The following GRID2 variants were observed in gnomAD, a reference collection of about 807,000 sequenced individuals.
The protein encoded by GRID2 is glutamate ionotropic receptor delta type subunit 2.
GRID2 carries 33 observed loss-of-function variants against 114.8 expected under a neutral mutation model. The observed-to-expected ratio is 0.29, with a 90% CI of 0.22 to 0.38. The LOEUF (loss-of-function observed/expected upper bound fraction) is 0.38. Among genes scored for constraint, GRID2 ranks in the 10% least tolerant of loss-of-function variants. The pLI, the probability that GRID2 is intolerant of heterozygous loss-of-function variation, is 1.00. For synonymous variants in GRID2, 505 were observed against 449.9 expected (o/e 1.12, Z -1.55); for missense variants, 1,184 against 1,257.7 (o/e 0.94, Z 0.89).
intron 13 of GRID2, among the ~76,000 whole-genome samples, chr4:93,624,849 G>A (rs1428010278): frequency 6.6e-6 from 1 of 151,906 alleles, no homozygotes; most frequent in Non-Finnish European, 1.5e-5. Flanking sequence ...GTGACTTAGT[G>A]TATGAGTGAT....
At chr4:92,738,300 T>A (rs1401344798) in intron 2 of GRID2, among the ~76,000 whole-genome samples, 1 of 152,142 alleles carries the variant, frequency 6.6e-6, no homozygotes, top group Non-Finnish European at 1.5e-5. Context: ...CACTTGATAG[T>A]ACTTGTTCTA....
At chr4:93,364,324 A>T (rs2149279873) in intron 8 of GRID2, among the ~76,000 whole-genome samples, 1 of 152,244 alleles carries the variant, frequency 6.6e-6, no homozygotes, top group South Asian at 2.1e-4. Flanking sequence ...AGGCTTTTTT[A>T]AAAAAATCAA....
chr4:92,616,577 T>A (rs1182307008), intron 2 of GRID2, among the ~76,000 whole-genome samples: 1 of 151,584 alleles, frequency 6.6e-6, no homozygotes, highest in African/African-American at 2.4e-5. Flanking sequence ...TTCCCCTCTT[T>A]CAGAGACTCT....
chr4:93,467,798 A>G (rs1724433659), intron 11 of GRID2, among the ~76,000 whole-genome samples: 1 of 152,208 alleles, frequency 6.6e-6, no homozygotes, highest in African/African-American at 2.4e-5. Flanking sequence ...CCATTATCCT[A>G]TGACAATGTT....
At chr4:93,073,145 C>T (rs560544208) in intron 2 of GRID2, among the ~76,000 whole-genome samples, 1 of 152,188 alleles carries the variant, frequency 6.6e-6, no homozygotes, top group African/African-American at 2.4e-5. Context: ...TGGATAATAC[C>T]ATGGGACCCA....
rs1578949974 is a variant in GRID2 at position 93,087,017 on chromosome 4, G to T, written c.529+1738G>T. ...AATTTTCAGTTAGTACTATGAAAGT[G>T]ATTTATTTATTTATTTATTTATTTA... On this transcript the variant is annotated intron_variant, in intron 3 of 15. Transcript: ENST00000282020. 2.7e-5 allele frequency among the ~76,000 whole-genome samples: 4 copies of T among 147,520 alleles called. No homozygotes were observed. In the Admixed American group the frequency reaches 2.7e-4, roughly 10 times the overall value.
chr4:93,138,619 T>G (rs1164804581), intron 4 of GRID2, among the ~76,000 whole-genome samples: 1 of 152,188 alleles, frequency 6.6e-6, no homozygotes, highest in Non-Finnish European at 1.5e-5. Flanking sequence ...TCATTCAATT[T>G]TTCAGGCCAG....
chr4:93,250,048 A>AT (rs545878157), intron 8 of GRID2, among the ~76,000 whole-genome samples: 123 of 152,294 alleles, frequency 8.1e-4, no homozygotes, highest in African/African-American at 2.8e-3. Flanking sequence ...ATGCACACAT[A>AT]TTTTTATTGC....
chr4:93,142,130 C>T (rs893405684), intron 4 of GRID2, among the ~76,000 whole-genome samples: 6 of 152,116 alleles, frequency 3.9e-5, no homozygotes, highest in Admixed American at 1.3e-4. Context: ...ATGAGGATGG[C>T]TTGAGCTTGG....
chr4:92,491,570 A>G (rs908747886), intron 1 of GRID2, among the ~76,000 whole-genome samples: 1 of 152,152 alleles, frequency 6.6e-6, no homozygotes, highest in African/African-American at 2.4e-5. Context: ...TAATGATGCA[A>G]TGACTTGTGC....
rs1257993435 is a variant in GRID2, at chr4:93,772,778, T to C, written c.*280T>C. ...GGATCCTATTAGTCTGCTTTTCATA[T>C]ACTGTACATCAAGTATAGGAAATGT... On this transcript the variant is annotated 3_prime_UTR_variant, in exon 16 of 16. Transcript: ENST00000282020. The C allele has an allele frequency of 2.6e-6, 1 of 386,908 alleles. No individual in the cohort carries two copies. The highest frequency in any genetic ancestry group is 4.6e-6 in the Non-Finnish European group (1 of 216,454). The allele number at this position is 386,908 out of a possible 1,614,324, so 24.0% of individuals were successfully genotyped here. A position where few individuals can be genotyped will look rare whatever the true frequency, so the allele number is the denominator to read the frequency against.
chr4:93,674,163 G>A (rs2110072611), intron 14 of GRID2, among the ~76,000 whole-genome samples: 1 of 152,148 alleles, frequency 6.6e-6, no homozygotes, highest in East Asian at 1.9e-4. Flanking sequence ...GAAGTATAAA[G>A]TCAAAACAAA....
intron 8 of GRID2, among the ~76,000 whole-genome samples, chr4:93,347,456 A>G (rs530660862): frequency 2.6e-5 from 4 of 152,236 alleles, no homozygotes; most frequent in African/African-American, 9.6e-5. Context: ...AAATATAGGA[A>G]CAGATGATAT....
intron 9 of GRID2, among the ~76,000 whole-genome samples, chr4:93,418,601 G>A (rs1366307665): frequency 6.6e-6 from 1 of 151,888 alleles, no homozygotes; most frequent in Non-Finnish European, 1.5e-5. Flanking sequence ...TCTTCTGCAG[G>A]TTCTATTATT....
chr4:93,341,376 G>A (rs1759638512), intron 8 of GRID2, among the ~76,000 whole-genome samples: 1 of 151,648 alleles, frequency 6.6e-6, no homozygotes, highest in South Asian at 2.1e-4. Context: ...CCAGGCTGGA[G>A]CGCAGTGGTG....
In GRID2 at chr4:93,199,925, G is replaced by A. The variant is rs554328908; in HGVS notation, c.736-7479G>A. On this transcript the variant is annotated intron_variant, in intron 4 of 15. Transcript: ENST00000282020. ...GTGAAGAAAACAAAACTCAGGTCAT[G>A]TACATGTTTCCTGTACCTTGAGAAG... Among the ~76,000 whole-genome samples the A allele has an allele frequency of 5.3e-5, 8 of 152,292 alleles. No individual in the cohort carries two copies. The South Asian group carries it at 1.7e-3, about 32-fold the overall frequency.
At position 93,004,323 on chromosome 4, in the gene GRID2, T is replaced by A. The variant is rs139650573; in HGVS notation, c.245-80672T>A. Reference sequence around the variant, plus strand: ...ACGTGCCTATAGTTTCTTAGAGTTCTTCATTTTATTTGGAAAATAGAAGCA... The same window carrying A: ...ACGTGCCTATAGTTTCTTAGAGTTCATCATTTTATTTGGAAAATAGAAGCA... On this transcript the variant is annotated intron_variant, in intron 2 of 15. Transcript: ENST00000282020. 4.5e-3 allele frequency among the ~76,000 whole-genome samples: 685 copies of A among 152,094 alleles called. 3 individuals are homozygous for A. The highest frequency in any genetic ancestry group is 0.016 in the African/African-American group (653 of 41,538).
At chr4:92,775,754 G>C (rs887786104) in intron 2 of GRID2, among the ~76,000 whole-genome samples, 3 of 152,066 alleles carry the variant, frequency 2.0e-5, no homozygotes, top group Non-Finnish European at 2.9e-5. Flanking sequence ...CCAGCAAATA[G>C]GTTTAGTTTA....
chr4:92,894,109 T>C (rs1200725082), intron 2 of GRID2, among the ~76,000 whole-genome samples: 1 of 152,170 alleles, frequency 6.6e-6, no homozygotes, highest in Admixed American at 6.5e-5. Context: ...TCTTTAATTT[T>C]TACTAGGCAT....
Sources: gnomAD v4.1 joint callset for allele counts (sites outside exome capture counted in the v4.1 genomes callset) on GRCh38, gnomAD v4.1.1 for gene constraint, MANE v1.5 for transcripts, NCBI Gene and HGNC (gene_info 2026-07-23, HGNC 2026-07-21) for gene names.